Variants in ITK observed in about 807,000 individuals in gnomAD.
The protein encoded by ITK is tyrosine-protein kinase ITK/TSK.
ITK carries 45 observed loss-of-function variants against 87.6 expected under a neutral mutation model. The ratio of observed to expected loss-of-function variants is 0.51; its 90% CI spans 0.40 to 0.66. ITK has a LOEUF of 0.66. ITK is among the 30% of genes least tolerant of loss of function. The pLI, the probability that ITK is intolerant of heterozygous loss-of-function variation, is 0.00. For missense variants in ITK, 605 were observed against 766.3 expected (o/e 0.79, Z 2.48); for synonymous variants, 303 against 273.6 (o/e 1.11, Z -1.06).
In ITK at chr5:157,248,882, A is replaced by C; in HGVS notation, c.1666A>C (p.Lys556Gln). The stretch of plus-strand genomic sequence containing the variant: ...GATGTGGGAAGTTTTCAGTGAAGGC[A>C]AAATCCCGTATGAAAACCGAAGCAA... ...VLMWEVFSEG[K>Q]IPYENRSNSE... The change falls in exon 16 of 17, where the codon AAA becomes CAA. Residue 556 changes from lysine to glutamine, a missense_variant. This residue lies in a region of ITK where 70 missense variants were observed against 122.5 expected (regional missense o/e 0.57). Transcript: ENST00000422843. The C allele has an allele frequency of 6.2e-7, 1 of 1,613,994 alleles. No individual in the cohort carries two copies. Among genetic ancestry groups the C allele is most frequent in the South Asian group, 1.1e-5 (1 of 91,082 alleles).
rs115109033 is a variant in ITK at position 157,187,734 on chromosome 5, C to G, written c.138+6619C>G. ...TAGGAGAATTAAGCAACTCTTTTCT[C>G]CTTTTTCCTCTGCCTGTCTTACCCC... On this transcript the variant is annotated intron_variant, in intron 1 of 16. Transcript: ENST00000422843. 8.1e-3 allele frequency among the ~76,000 whole-genome samples: 1,237 copies of G among 152,230 alleles called. 14 individuals are homozygous for G. The highest frequency in any genetic ancestry group is 0.028 in the African/African-American group (1,171 of 41,540).
At chr5:157,209,083 C>A in intron 2 of ITK, 90 bp downstream of exon 2, 2 of 892,152 alleles carry the variant, frequency 2.2e-6, no homozygotes, top group Non-Finnish European at 3.7e-6. Context: ...AGCCTGTAAT[C>A]CTAGCACTTT....
chr5:157,237,235 T>C (rs1333994359), intron 8 of ITK, among the ~76,000 whole-genome samples: 1 of 152,194 alleles, frequency 6.6e-6, no homozygotes, highest in African/African-American at 2.4e-5. Flanking sequence ...AAATTGTGCA[T>C]TCTGCAGCAA....
chr5:157,189,739 A>G (rs541337247), intron 1 of ITK, among the ~76,000 whole-genome samples: 3 of 152,350 alleles, frequency 2.0e-5, no homozygotes, highest in African/African-American at 7.2e-5. Context: ...AGCTCCATGT[A>G]AAACAAGACA....
Position 157,211,313 on chromosome 5 carries a change from T to C in ITK, c.270T>C (p.Tyr90=). 1.2e-6 allele frequency: 2 copies of C among 1,614,076 alleles called. No individual in the cohort carries two copies. The highest frequency in any genetic ancestry group is 1.7e-6 in the Non-Finnish European group (2 of 1,179,974). The change falls in exon 3 of 17, where the codon TAT becomes TAC. Residue 90 remains tyrosine, a synonymous_variant. Coordinates refer to ENST00000422843, the MANE Select transcript of ITK (RefSeq NM_005546.4). ...TGGTGCATGACAACTACCTCCTATA[T>C]GTGTTTGCTCCAGATCGTGAGAGCC... ...FQVVHDNYLL[Y]VFAPDRESRQ...
intron 10 of ITK, chr5:157,241,357 TAATA>T (rs1194982558): frequency 5.7e-6 from 1 of 176,654 alleles, no homozygotes; most frequent in East Asian, 1.5e-4. Flanking sequence ...TGACTATAAA[TAATA>T]AATAAATATA....
At chr5:157,252,569 G>C in intron 16 of ITK, 38 bp from the exon 17 acceptor site, 1 of 1,525,200 alleles carries the variant, frequency 6.6e-7, no homozygotes, top group Non-Finnish European at 9.1e-7. Context: ...TGACGCATAA[G>C]TACAAGGAAC....
intron 1 of ITK, among the ~76,000 whole-genome samples, chr5:157,202,993 C>A (rs139810214): frequency 6.6e-6 from 1 of 152,308 alleles, no homozygotes; most frequent in East Asian, 1.9e-4. Context: ...TATTTTTCTA[C>A]CCCAGGATTT....
rs991585724 is a variant in ITK, at chr5:157,253,716, G to C, written c.*1038G>C. 3 of 221,004 alleles carry C rather than the reference G, an allele frequency of 1.4e-5. No individual in the cohort carries two copies. The highest frequency in any genetic ancestry group is 6.7e-5 in the African/African-American group (3 of 44,604). The allele number at this position is 221,004 out of a possible 1,614,324, so 13.7% of individuals were successfully genotyped here. On this transcript the variant is annotated 3_prime_UTR_variant, in exon 17 of 17. Transcript: ENST00000422843. ...CAATTGAAACTTGTTTAGGCCCTAG[G>C]GTTGAGCAATTTTAAGGTTGAGACT...
At chr5:157,233,961 A>ATATATATATATC (rs1754721767) in intron 8 of ITK, among the ~76,000 whole-genome samples, 1 of 28,926 alleles carries the variant, frequency 3.5e-5, no homozygotes, top group Non-Finnish European at 5.9e-5. Flanking sequence ...ATATATATAT[A>ATATATATATATC]TATTTTTTTT....
chr5:157,251,015 T>C (rs1487432500), intron 16 of ITK, among the ~76,000 whole-genome samples: 2 of 152,242 alleles, frequency 1.3e-5, no homozygotes, highest in African/African-American at 2.4e-5. Context: ...TTTTTGTATA[T>C]AAATTTTCAA....
intron 15 of ITK, among the ~76,000 whole-genome samples, chr5:157,248,120 G>A (rs1287245868): frequency 6.6e-6 from 1 of 152,122 alleles, no homozygotes; most frequent in Non-Finnish European, 1.5e-5. Context: ...AGGTGTTTTG[G>A]GGATCATGCT....
chr5:157,192,203 C>T (rs909472243), intron 1 of ITK, among the ~76,000 whole-genome samples: 4 of 152,116 alleles, frequency 2.6e-5, no homozygotes, highest in Non-Finnish European at 5.9e-5. Context: ...TGTAGATGAA[C>T]CCACCACCTG....
chr5:157,244,652 C>T (rs115260527), intron 13 of ITK, among the ~76,000 whole-genome samples, 174 bp downstream of exon 13: 319 of 152,322 alleles, frequency 2.1e-3, no homozygotes, highest in African/African-American at 7.1e-3. Context: ...TTCATGAGGA[C>T]TTACTTCTGG....
chr5:157,235,400 G>A (rs13165100), intron 8 of ITK, among the ~76,000 whole-genome samples: 2,492 of 152,264 alleles, frequency 0.016, 29 homozygotes, highest in Non-Finnish European at 0.027. Flanking sequence ...GCTATGGAAC[G>A]TGGTTTTTCT....
At chr5:157,237,299 C>A (rs1229320377) in intron 8 of ITK, among the ~76,000 whole-genome samples, 1 of 152,146 alleles carries the variant, frequency 6.6e-6, no homozygotes, top group Non-Finnish European at 1.5e-5. Context: ...AAATGGAAAA[C>A]CAAACACCAC....
intron 1 of ITK, among the ~76,000 whole-genome samples, chr5:157,189,647 C>T (rs751328371): frequency 1.6e-4 from 24 of 152,108 alleles, no homozygotes; most frequent in Non-Finnish European, 2.6e-4. Flanking sequence ...CACCACTGCA[C>T]TCCAGCCTGG....
intron 5 of ITK, 36 bp downstream of exon 5, chr5:157,217,943 C>T (rs1445721783): frequency 6.4e-7 from 1 of 1,566,220 alleles, no homozygotes; most frequent in Non-Finnish European, 8.8e-7. Context: ...GCAGGTGGGC[C>T]CACAGGCTAC....
chr5:157,201,081 T>TATTAC (rs1554100499), intron 1 of ITK, among the ~76,000 whole-genome samples: 20 of 152,070 alleles, frequency 1.3e-4, no homozygotes, highest in Admixed American at 9.2e-4. Flanking sequence ...TAATATACAA[T>TATTAC]ATTACTTGAA....
Sources: allele counts gnomAD v4.1 joint callset (sites outside exome capture counted in the v4.1 genomes callset), GRCh38; gene constraint gnomAD v4.1.1; regional missense constraint gnomAD v4.1.1; transcripts MANE v1.5; gene names NCBI Gene and HGNC (gene_info 2026-07-23, HGNC 2026-07-21).